Variants in EPHB4 observed in about 807,000 individuals in gnomAD.
EPHB4 encodes ephrin type-B receptor 4.
EPHB4 carries 50 observed loss-of-function variants against 110.6 expected under a neutral mutation model. The ratio of observed to expected loss-of-function variants is 0.45; its 90% confidence interval spans 0.36 to 0.57. The LOEUF (loss-of-function observed/expected upper bound fraction) is 0.57, where lower values mean the gene tolerates loss of function less well. Among genes scored for constraint, EPHB4 ranks in the 20% least tolerant of loss-of-function variants. The pLI is 0.00. For synonymous variants in EPHB4, 592 were observed against 578.4 expected (o/e 1.02, Z -0.34); for missense variants, 1,128 against 1,382.1 (o/e 0.82, Z 2.91).
intron 12 of EPHB4, among the ~76,000 whole-genome samples, chr7:100,811,125 CA>C (rs5886140): frequency 0.5 from 75,963 of 150,928 alleles, 20,286 homozygotes; most frequent in Middle Eastern, 0.73. Flanking sequence ...TGGTGCATGC[CA>C]TGCAATTCCA....
In EPHB4 at chr7:100,820,211, T is replaced by C. The variant is rs1165155893; in HGVS notation, c.894A>G (p.Gly298=). ...CGACGCGGCACTGGCAGACGGCTGA[T>C]CCAATGGTGTTAGAGTGGCTATTGG... ...CPANSHSNTI[G]SAVCQCRVGY... is the part of the protein sequence containing the mutation. The change falls in exon 5 of 17, where the codon GGA becomes GGG. Residue 298 remains glycine, a synonymous_variant. Transcript: ENST00000358173. 6.2e-7 allele frequency: 1 copy of C among 1,613,964 alleles called. No homozygotes were observed. The highest frequency in any genetic ancestry group is 1.7e-5 in the Admixed American group (1 of 59,988).
At chr7:100,812,107 G>A (rs1812948546) in intron 12 of EPHB4, among the ~76,000 whole-genome samples, 1 of 151,932 alleles carries the variant, frequency 6.6e-6, no homozygotes, top group Non-Finnish European at 1.5e-5. Flanking sequence ...GGGAGGCGGA[G>A]GTTGCGGTGA....
intron 12 of EPHB4, among the ~76,000 whole-genome samples, chr7:100,808,238 A>C (rs1812857310): frequency 6.6e-6 from 1 of 152,204 alleles, no homozygotes; most frequent in African/African-American, 2.4e-5. Flanking sequence ...GTTTTTTTAG[A>C]GACAAGGTCT....
intron 2 of EPHB4, 97 bp downstream of exon 2, chr7:100,824,106 C>G (rs1370527346): frequency 5.1e-6 from 8 of 1,567,706 alleles, no homozygotes; most frequent in Non-Finnish European, 7.0e-6. Flanking sequence ...TCTGGGGGGA[C>G]AGGGGAGAGG....
Position 100,803,435 on chromosome 7 carries a change from T to C in EPHB4, c.*26A>G. On this transcript the variant is annotated 3_prime_UTR_variant, in exon 17 of 17. Coordinates refer to ENST00000358173, the MANE Select transcript of EPHB4 (RefSeq NM_004444.5). The stretch of plus-strand genomic sequence containing the variant: ...TGCCCCGGAAAATGGGGAGGCGGTG[T>C]CCCTGGGGTGGGGAGTTCCTGCAGG... The C allele has an allele frequency of 6.6e-7, 1 of 1,517,754 alleles. No individual in the cohort carries two copies. 94.0% of individuals were successfully genotyped at this position (1,517,754 alleles called of 1,614,324 possible). A position where few individuals can be genotyped will look rare whatever the true frequency, so the allele number is the denominator to read the frequency against.
At chr7:100,824,363 C>T in intron 1 of EPHB4, 90 bp from the exon 2 acceptor site, 1 of 1,378,986 alleles carries the variant, frequency 7.3e-7, no homozygotes, top group Non-Finnish European at 1.0e-6. Context: ...CAGGTGGATC[C>T]TCTTAGCTCT....
chr7:100,817,879 T>C (rs1377125976), intron 7 of EPHB4, among the ~76,000 whole-genome samples: 1 of 142,450 alleles, frequency 7.0e-6, no homozygotes, highest in African/African-American at 2.7e-5. Context: ...TTTTTTTTTT[T>C]TTTTGGAGAC....
intron 15 of EPHB4, 58 bp downstream of exon 15, chr7:100,805,443 C>A: frequency 1.3e-6 from 2 of 1,547,848 alleles, no homozygotes; most frequent in Admixed American, 1.9e-5. Flanking sequence ...ACGGACACTT[C>A]TGGGCAAGGA....
At chr7:100,808,630 T>G (rs910197476) in intron 12 of EPHB4, among the ~76,000 whole-genome samples, 1 of 152,170 alleles carries the variant, frequency 6.6e-6, no homozygotes, top group Admixed American at 6.5e-5. Flanking sequence ...GGAACTGCAG[T>G]ATGACCAATG....
chr7:100,825,093 G>A (rs1471247687), intron 1 of EPHB4: 1 of 151,708 alleles, frequency 6.6e-6, no homozygotes, highest in African/African-American at 2.4e-5. Flanking sequence ...AATCCCCTCG[G>A]GGGCCGGCAA....
intron 13 of EPHB4, 21 bp downstream of exon 13, chr7:100,807,344 C>T: frequency 6.2e-7 from 1 of 1,611,398 alleles, no homozygotes. Context: ...AGCTCACACC[C>T]AGTATTACCC....
chr7:100,811,459 C>T (rs1329459597), intron 12 of EPHB4, among the ~76,000 whole-genome samples: 1 of 152,090 alleles, frequency 6.6e-6, no homozygotes, highest in Admixed American at 6.6e-5. Context: ...CCCCCTGCCC[C>T]ATTAGACCCT....
intron 16 of EPHB4, among the ~76,000 whole-genome samples, chr7:100,804,312 T>C (rs796696245): frequency 1.4e-4 from 19 of 135,448 alleles, no homozygotes; most frequent in African/African-American, 5.1e-4. Flanking sequence ...ACATTTCTTT[T>C]TTTTTTTTTT....
chr7:100,823,737 G>A lies in EPHB4; in HGVS notation c.318C>T (p.Ser106=). 6.2e-7 allele frequency: 1 copy of A among 1,613,658 alleles called. No homozygotes were observed. The highest frequency in any genetic ancestry group is 8.5e-7 in the Non-Finnish European group (1 of 1,179,962). ...ECLSLPRAGR[S]CKETFTVFYY... ...AGAAGACGGTGAAGGTCTCCTTGCAGGAGCGCCCAGCCCGAGGCAGGGACA... is the reference window on the plus strand; with the variant it reads ...AGAAGACGGTGAAGGTCTCCTTGCAAGAGCGCCCAGCCCGAGGCAGGGACA... Residue 106 remains serine, a synonymous_variant, in exon 3 of 17, where the codon TCC becomes TCT. Coordinates refer to ENST00000358173, the MANE Select transcript of EPHB4 (RefSeq NM_004444.5).
chr7:100,825,838 C>T (rs905284861), intron 1 of EPHB4, among the ~76,000 whole-genome samples: 1 of 152,176 alleles, frequency 6.6e-6, no homozygotes, highest in Non-Finnish European at 1.5e-5. Flanking sequence ...TCCTTCTCAC[C>T]ACACCTCGTC....
chr7:100,806,722 A>T (rs1177120259), intron 13 of EPHB4, among the ~76,000 whole-genome samples, 153 bp from the exon 14 acceptor site: 1 of 151,730 alleles, frequency 6.6e-6, no homozygotes, highest in Non-Finnish European at 1.5e-5. Context: ...CCCAGGTTGG[A>T]GTGCAGTGGT....
Position 100,818,659 on chromosome 7 carries a change from G to C in EPHB4, c.1298-15C>G. The C allele has an allele frequency of 1.2e-6, 2 of 1,604,912 alleles. No individual in the cohort carries two copies. The highest frequency in any genetic ancestry group is 1.7e-6 in the Non-Finnish European group (2 of 1,178,894). On this transcript the variant is annotated splice_polypyrimidine_tract_variant and intron_variant, in intron 6 of 16. Coordinates refer to ENST00000358173, the MANE Select transcript of EPHB4 (RefSeq NM_004444.5). ...TGCAGGAGGTACTGTGAGAGGCAGA[G>C]ACACAGGGAACCCTTGTGCATGGTA...
rs576306239 is a variant in EPHB4, at chr7:100,807,443, G to A, written c.2256C>T (p.Leu752=). ...GGCCAAAGTCAGACACTTTGCAGAC[G>A]AGGTTGCTGTTGACTAGGATGTTGC... ...AARNILVNSN[L]VCKVSDFGLS... The change falls in exon 13 of 17, where the codon CTC becomes CTT. Residue 752 remains leucine (L), a synonymous_variant. Transcript: ENST00000358173. 6.8e-6 allele frequency: 11 copies of A among 1,614,066 alleles called. No individual in the cohort carries two copies. The African/African-American group carries it at 8.0e-5, about 12-fold the overall frequency.
chr7:100,807,701 G>T, intron 12 of EPHB4, 121 bp from the exon 13 acceptor site: 2 of 1,012,476 alleles, frequency 2.0e-6, no homozygotes, highest in Non-Finnish European at 2.9e-6. Context: ...GAGTGCAGTG[G>T]TGCCATCATA....
Sources: gnomAD v4.1 joint callset for allele counts (sites outside exome capture counted in the v4.1 genomes callset) on GRCh38, gnomAD v4.1.1 for gene constraint, MANE v1.5 for transcripts, NCBI Gene and HGNC (gene_info 2026-07-23, HGNC 2026-07-21) for gene names.